MCU: variants seen among roughly 807,000 people sequenced by gnomAD.
MCU encodes the protein mitochondrial calcium uniporter, also known as calcium uniporter protein, mitochondrial.
MCU carries 12 observed loss-of-function variants against 45.2 expected under a neutral mutation model. The observed-to-expected ratio is 0.27, with a 90% CI of 0.17 to 0.43. The LOEUF (loss-of-function observed/expected upper bound fraction) is 0.43, where lower values mean the gene tolerates loss of function less well. MCU is among the 20% of genes least tolerant of loss of function. The pLI is 1.00. For missense variants in MCU, 324 were observed against 436.7 expected, an observed-to-expected ratio of 0.74 and a Z score of 2.30; for synonymous variants, 160 against 165.1, an observed-to-expected ratio of 0.97 and a Z score of 0.24.
At position 72,872,849 on chromosome 10, in the gene MCU, G is replaced by A. The variant is rs1030541319; in HGVS notation, c.861+1269G>A. ...CGTTTTTTTGAGGAGGCTCCCTACT[G>A]TTTTCCATAATGGCTATACTAATTT... is the stretch of plus-strand genomic sequence containing the variant. On this transcript the variant is annotated intron_variant, in intron 6 of 7. Coordinates refer to ENST00000373053, the MANE Select transcript of MCU (RefSeq NM_138357.3). Among the ~76,000 whole-genome samples the A allele has an allele frequency of 2.8e-4, 42 of 151,988 alleles. 2 individuals are homozygous for A. The highest frequency in any genetic ancestry group is 2.8e-3 in the Admixed American group (42 of 15,260).
intron 2 of MCU, among the ~76,000 whole-genome samples, chr10:72,853,954 TG>T (rs1170436617): frequency 6.6e-6 from 1 of 152,070 alleles, no homozygotes; most frequent in Non-Finnish European, 1.5e-5. Context: ...GCCAACGTGG[TG>T]AAACCCTATC....
chr10:72,780,608 A>C (rs1299916577), intron 1 of MCU, among the ~76,000 whole-genome samples: 1 of 147,944 alleles, frequency 6.8e-6, no homozygotes, highest in African/African-American at 2.5e-5. Context: ...TGTTAAAACA[A>C]ATTTGCCATA....
intron 1 of MCU, among the ~76,000 whole-genome samples, chr10:72,693,242 A>G (rs762657640): frequency 9.9e-5 from 15 of 151,928 alleles, no homozygotes; most frequent in South Asian, 8.3e-4. Flanking sequence ...TCTTTTTTCA[A>G]TTGCAAGAGA....
intron 1 of MCU, among the ~76,000 whole-genome samples, chr10:72,704,333 G>C (rs1842793227): frequency 6.6e-6 from 1 of 152,104 alleles, no homozygotes; most frequent in Admixed American, 6.6e-5. Context: ...CAGTAGAAAG[G>C]CCATTCAATT....
intron 1 of MCU, among the ~76,000 whole-genome samples, chr10:72,829,041 C>T (rs1397481301): frequency 6.6e-6 from 1 of 152,202 alleles, no homozygotes; most frequent in Non-Finnish European, 1.5e-5. Context: ...TCTAGGGAGG[C>T]CGGGCGCCTT....
At chr10:72,863,680 A>G (rs1365197433) in intron 4 of MCU, among the ~76,000 whole-genome samples, 2 of 152,124 alleles carry the variant, frequency 1.3e-5, no homozygotes, top group African/African-American at 4.8e-5. Context: ...GCAGCAGTGC[A>G]ATCTCAGCTC....
At chr10:72,884,205 GTAAA>G in intron 6 of MCU, 57 bp from the exon 7 acceptor site, 1 of 981,852 alleles carries the variant, frequency 1.0e-6, no homozygotes, top group Non-Finnish European at 1.6e-6. Flanking sequence ...GCAGCAGTTA[GTAAA>G]TATTTTGTGA....
chr10:72,865,971 GT>G (rs1226526756), intron 4 of MCU, among the ~76,000 whole-genome samples: 20 of 151,186 alleles, frequency 1.3e-4, no homozygotes, highest in Non-Finnish European at 3.0e-5. Context: ...TAGAGACGGG[GT>G]TTCACCATGT....
intron 1 of MCU, among the ~76,000 whole-genome samples, chr10:72,728,244 GT>G (rs1338922506): frequency 2.0e-5 from 3 of 152,066 alleles, no homozygotes; most frequent in Admixed American, 6.6e-5. Context: ...CATAATATAG[GT>G]CAATTACCTG....
At chr10:72,868,990 G>A (rs932840355) in intron 5 of MCU, 127 bp downstream of exon 5, 3 of 962,032 alleles carry the variant, frequency 3.1e-6, no homozygotes, top group Non-Finnish European at 4.5e-6. Flanking sequence ...TTAGTTTATG[G>A]GACTGAACCA....
intron 1 of MCU, among the ~76,000 whole-genome samples, chr10:72,761,023 A>T (rs917762543): frequency 6.6e-6 from 1 of 152,160 alleles, no homozygotes; most frequent in Non-Finnish European, 1.5e-5. Context: ...GCCAGGCAGG[A>T]TACAAAGGTT....
At chr10:72,861,633 C>T (rs1174579142) in intron 4 of MCU, 14 of 370,910 alleles carry the variant, frequency 3.8e-5, no homozygotes, top group Admixed American at 2.8e-4. Flanking sequence ...AGGCATGAGC[C>T]ACTATGCCCA....
chr10:72,780,782 G>C (rs1002483788), intron 1 of MCU, among the ~76,000 whole-genome samples: 3 of 151,944 alleles, frequency 2.0e-5, no homozygotes, highest in African/African-American at 7.3e-5. Context: ...TGCATCTCTG[G>C]TTTTCTCCAA....
At chr10:72,712,749 TCTTA>T (rs1842911106) in intron 1 of MCU, among the ~76,000 whole-genome samples, 2 of 152,224 alleles carry the variant, frequency 1.3e-5, no homozygotes, top group African/African-American at 4.8e-5. Context: ...CAATGTATAT[TCTTA>T]CTTTGAAGTC....
At chr10:72,877,648 A>G (rs545483848) in intron 6 of MCU, among the ~76,000 whole-genome samples, 1 of 152,212 alleles carries the variant, frequency 6.6e-6, no homozygotes, top group Non-Finnish European at 1.5e-5. Flanking sequence ...AGAACTAACA[A>G]AATAGCAAAA....
In MCU at chr10:72,692,272, C is replaced by T. The variant is rs11543261; in HGVS notation, c.121C>T (p.Arg41Cys). Residue 41 changes from arginine to cysteine, a missense_variant, in exon 1 of 8, where the codon CGC becomes TGC. Arg to Cys is a radical substitution (Grantham distance 180). Coordinates refer to ENST00000373053, the MANE Select transcript of MCU (RefSeq NM_138357.3). ...AGCFPGLGVS[R>C]HRQQQHHRTV... ...CTGCTTCCCTGGGCTGGGCGTCAGC[C>T]GCCACCGGCAGCAGCAGCACCACCG... 27 of 1,229,482 alleles carry T rather than the reference C, an allele frequency of 2.2e-5. No individual in the cohort carries two copies. The highest frequency in any genetic ancestry group is 2.5e-5 in the Non-Finnish European group (25 of 983,722). The allele number at this position is 1,229,482 out of a possible 1,614,324, so 76.2% of individuals were successfully genotyped here.
chr10:72,870,158 G>A (rs1845519233), intron 5 of MCU, among the ~76,000 whole-genome samples: 1 of 152,160 alleles, frequency 6.6e-6, no homozygotes, highest in Admixed American at 6.5e-5. Context: ...ATTATAAGGA[G>A]TAAGGAAGGG....
At chr10:72,824,276 A>G (rs1264948755) in intron 1 of MCU, among the ~76,000 whole-genome samples, 3 of 149,994 alleles carry the variant, frequency 2.0e-5, no homozygotes, top group Non-Finnish European at 4.4e-5. Flanking sequence ...AGCTCACTGC[A>G]ACCTCCACCT....
chr10:72,795,123 A>G (rs1204316736), intron 1 of MCU, among the ~76,000 whole-genome samples: 1 of 152,160 alleles, frequency 6.6e-6, no homozygotes, highest in Non-Finnish European at 1.5e-5. Context: ...AGTACCTTCA[A>G]AATTCTGTCC....
Sources: gnomAD v4.1 joint callset for allele counts (sites outside exome capture counted in the v4.1 genomes callset) on GRCh38, gnomAD v4.1.1 for gene constraint, MANE v1.5 for transcripts, NCBI Gene and HGNC (gene_info 2026-07-23, HGNC 2026-07-21) for gene names.